Variants in ADCYAP1R1 observed in about 807,000 individuals in gnomAD.
The protein encoded by ADCYAP1R1 is ADCYAP receptor type I.
ADCYAP1R1 carries 44 observed loss-of-function variants against 67.6 expected under a neutral mutation model. The ratio of observed to expected loss-of-function variants is 0.65; its 90% CI spans 0.51 to 0.84. The LOEUF (loss-of-function observed/expected upper bound fraction) is 0.84, where lower values mean the gene tolerates loss of function less well. ADCYAP1R1 is among the 40% of genes least tolerant of loss of function. ADCYAP1R1 has a pLI of 0.00. For synonymous variants in ADCYAP1R1, 222 were observed against 219.6 expected, an observed-to-expected ratio of 1.01 and a Z score of -0.10; for missense variants, 477 against 587.9, an observed-to-expected ratio of 0.81 and a Z score of 1.95.
At chr7:31,100,105 G>A in intron 13 of ADCYAP1R1, 2 of 1,549,510 alleles carry the variant, frequency 1.3e-6, no homozygotes, top group Middle Eastern at 1.7e-4. Context: ...GCTGACAGAA[G>A]TGCTAATCTT....
In ADCYAP1R1 at chr7:31,088,303, T is replaced by C. The variant is rs187395944; in HGVS notation, c.954+607T>C. Among the ~76,000 whole-genome samples the C allele has an allele frequency of 2.1e-3, 314 of 152,348 alleles. 1 individual carries two copies. Among genetic ancestry groups the C allele is most frequent in the African/African-American group, 7.1e-3 (295 of 41,580 alleles). On this transcript the variant is annotated intron_variant, in intron 12 of 15. Coordinates refer to ENST00000304166, the MANE Select transcript of ADCYAP1R1 (RefSeq NM_001118.5). ...TATTAGTTACAGTTTAAAGGATAGT[T>C]AACACTTCCGATGTTGTGTATGTTG...
rs1017703520 is a variant in ADCYAP1R1 at position 31,106,586 on chromosome 7, A to G, written c.1309A>G (p.Ser437Gly). The change falls in exon 16 of 16, where the codon AGC becomes GGC. Residue 437 changes from serine (S) to glycine (G), a missense_variant. Transcript: ENST00000304166. ...DFKHRHPSLA[S>G]SGVNGGTQLS... ...CAAGCACCGACACCCGTCTCTGGCCAGCAGTGGGGTGAATGGGGGCACCCA... is the reference window on the plus strand; with the variant it reads ...CAAGCACCGACACCCGTCTCTGGCCGGCAGTGGGGTGAATGGGGGCACCCA... 1.2e-5 allele frequency: 19 copies of G among 1,613,960 alleles called. No individual in the cohort carries two copies. Among genetic ancestry groups the G allele is most frequent in the Non-Finnish European group, 5.1e-6 (6 of 1,179,948 alleles).
At chr7:31,100,130 C>T (rs919528211) in intron 13 of ADCYAP1R1, 2 of 1,550,482 alleles carry the variant, frequency 1.3e-6, no homozygotes, top group African/African-American at 2.7e-5. Flanking sequence ...CACCCAGCAG[C>T]TGCGTGCAGA....
At chr7:31,066,305 A>G (rs1794735678) in intron 3 of ADCYAP1R1, among the ~76,000 whole-genome samples, 1 of 152,172 alleles carries the variant, frequency 6.6e-6, no homozygotes, top group African/African-American at 2.4e-5. Flanking sequence ...TTGAGCGACA[A>G]AATCATCCAG....
At chr7:31,087,913 T>C (rs1173125827) in intron 12 of ADCYAP1R1, among the ~76,000 whole-genome samples, 1 of 152,218 alleles carries the variant, frequency 6.6e-6, no homozygotes, top group African/African-American at 2.4e-5. Context: ...AAAATAGAAA[T>C]AGTTTTGTGC....
chr7:31,077,706 T>C (rs931794826), intron 3 of ADCYAP1R1, among the ~76,000 whole-genome samples: 8 of 146,190 alleles, frequency 5.5e-5, no homozygotes, highest in African/African-American at 1.3e-4. Flanking sequence ...GTGTGTGTGA[T>C]GTGTGTGTAA....
Position 31,109,752 on chromosome 7 carries a change from C to G in ADCYAP1R1, c.*3068C>G, listed in dbSNP as rs747750387. Reference sequence around the variant, plus strand: ...CTCTCATCCTGGAGGAAATGGGATTCCAAGTCAAGGATGCTGAGGCTGTCA... The same window carrying G: ...CTCTCATCCTGGAGGAAATGGGATTGCAAGTCAAGGATGCTGAGGCTGTCA... On this transcript the variant is annotated 3_prime_UTR_variant, in exon 16 of 16. Coordinates refer to ENST00000304166, the MANE Select transcript of ADCYAP1R1 (RefSeq NM_001118.5). The G allele has an allele frequency of 3.5e-4, 53 of 152,456 alleles. No homozygotes were observed. Among genetic ancestry groups the G allele is most frequent in the Admixed American group, 2.7e-3 (42 of 15,280 alleles). The allele number at this position is 152,456 out of a possible 1,614,324, so 9.4% of individuals were successfully genotyped here. A position where few individuals can be genotyped will look rare whatever the true frequency, so the allele number is the denominator to read the frequency against.
At chr7:31,054,090 G>C (rs1241997439) in intron 1 of ADCYAP1R1, among the ~76,000 whole-genome samples, 2 of 152,310 alleles carry the variant, frequency 1.3e-5, no homozygotes, top group East Asian at 3.9e-4. Context: ...GGCAGGCAGA[G>C]GCACCAGCTT....
chr7:31,082,640 A>G (rs983308123), intron 6 of ADCYAP1R1, among the ~76,000 whole-genome samples: 4 of 152,224 alleles, frequency 2.6e-5, no homozygotes, highest in African/African-American at 7.2e-5. Flanking sequence ...ACTTTCTGAA[A>G]GAAGTGTTCA....
Position 31,084,954 on chromosome 7 carries a change from T to C in ADCYAP1R1, c.536+120T>C, listed in dbSNP as rs1054935628. The C allele has an allele frequency of 2.1e-5, 20 of 974,290 alleles. No individual in the cohort carries two copies. The African/African-American group carries it at 2.7e-4, about 13-fold the overall frequency. 60.4% of individuals were successfully genotyped at this position (974,290 alleles called of 1,614,324 possible). On this transcript the variant is annotated intron_variant, in intron 8 of 15. Transcript: ENST00000304166. The stretch of plus-strand genomic sequence containing the variant: ...TAGAAGACCCCTTTGAAGGCATTTC[T>C]CCCACCCCAAGGATAACAGATGGGA...
intron 13 of ADCYAP1R1, among the ~76,000 whole-genome samples, chr7:31,099,312 C>T (rs909363573): frequency 1.8e-4 from 27 of 152,210 alleles, no homozygotes; most frequent in Admixed American, 9.8e-4. Context: ...CCTACAACTC[C>T]CTGCAGTGAT....
intron 3 of ADCYAP1R1, among the ~76,000 whole-genome samples, chr7:31,067,448 C>T (rs1469936145): frequency 6.6e-6 from 1 of 151,944 alleles, no homozygotes; most frequent in African/African-American, 2.4e-5. Flanking sequence ...ATGTTAATAG[C>T]CAGACCCTCT....
At chr7:31,103,409 G>A in intron 14 of ADCYAP1R1, 43 bp downstream of exon 14, 1 of 1,613,174 alleles carries the variant, frequency 6.2e-7, no homozygotes, top group Non-Finnish European at 8.5e-7. Context: ...CTGGGAGCCA[G>A]GGCCTGGTTG....
At chr7:31,077,934 TGTGTGTGTATGG>T in intron 3 of ADCYAP1R1, 45 bp from the exon 4 acceptor site, 2 of 1,144,410 alleles carry the variant, frequency 1.7e-6, no homozygotes, top group Non-Finnish European at 2.6e-6. Context: ...TGTGTGGTGG[TGTGTGTGTATGG>T]GTGTGTGTGG....
chr7:31,108,609 C>A lies in ADCYAP1R1; in HGVS notation c.*1925C>A, dbSNP rs1371648098. The A allele has an allele frequency of 1.3e-5, 2 of 152,224 alleles. No individual in the cohort carries two copies. Among genetic ancestry groups the A allele is most frequent in the Non-Finnish European group, 2.9e-5 (2 of 68,092 alleles). 9.4% of individuals were successfully genotyped at this position (152,224 alleles called of 1,614,324 possible). A position where few individuals can be genotyped will look rare whatever the true frequency, so the allele number is the denominator to read the frequency against. On this transcript the variant is annotated 3_prime_UTR_variant, in exon 16 of 16. Coordinates refer to ENST00000304166, the MANE Select transcript of ADCYAP1R1 (RefSeq NM_001118.5). ...GACACGATGCTCCTTGTTCTGGGCT[C>A]CAGTTTTCCCATTTGTGAGATGAGG...
chr7:31,092,744 C>T lies in ADCYAP1R1; in HGVS notation c.1046+9C>T. The T allele has an allele frequency of 1.3e-6, 2 of 1,597,022 alleles. No homozygotes were observed. Among genetic ancestry groups the T allele is most frequent in the Non-Finnish European group, 1.7e-6 (2 of 1,170,712 alleles). On this transcript the variant is annotated intron_variant, in intron 13 of 15. Coordinates refer to ENST00000304166, the MANE Select transcript of ADCYAP1R1 (RefSeq NM_001118.5). ...GAGTCCAGCATCTACTTGTAAGTAC[C>T]ATTGTGTGGCTGCCACAGCCATTTC... is the stretch of plus-strand genomic sequence containing the variant.
chr7:31,075,368 T>C (rs1223330879), intron 3 of ADCYAP1R1, among the ~76,000 whole-genome samples: 2 of 152,070 alleles, frequency 1.3e-5, no homozygotes, highest in African/African-American at 4.8e-5. Context: ...GTCCCTGACA[T>C]GGCACAGAAG....
At chr7:31,057,924 G>A (rs1206339320) in intron 1 of ADCYAP1R1, among the ~76,000 whole-genome samples, 1 of 152,214 alleles carries the variant, frequency 6.6e-6, no homozygotes, top group African/African-American at 2.4e-5. Context: ...GGGATGCTGA[G>A]TGGCCAGAAG....
intron 12 of ADCYAP1R1, among the ~76,000 whole-genome samples, chr7:31,089,630 T>C (rs994653626): frequency 6.6e-6 from 1 of 152,186 alleles, no homozygotes; most frequent in African/African-American, 2.4e-5. Context: ...AAGAGTGGAA[T>C]TTCTGGGACG....
Sources: gnomAD v4.1 joint callset for allele counts (sites outside exome capture counted in the v4.1 genomes callset) on GRCh38, gnomAD v4.1.1 for gene constraint, MANE v1.5 for transcripts, NCBI Gene and HGNC (gene_info 2026-07-23, HGNC 2026-07-21) for gene names.